Variants in ZNF845 observed in about 807,000 individuals in gnomAD.
The protein encoded by ZNF845 is zinc finger protein 845.
Under a neutral mutation model 76.1 loss-of-function variants are expected in ZNF845, and 59 were observed. The observed-to-expected ratio is 0.78, with a 90% confidence interval of 0.63 to 0.96. The LOEUF is 0.96. Among genes scored for constraint, ZNF845 ranks in the 40% least tolerant of loss-of-function variants. The probability of loss-of-function intolerance (pLI) is 0.00; values close to 1 mark genes in which losing one functional copy is unlikely to be tolerated. For missense variants in ZNF845, 1,045 were observed against 1,172.8 expected (o/e 0.89, Z 1.59); for synonymous variants, 361 against 386.9 (o/e 0.93, Z 0.78).
At chr19:53,349,566 C>A (rs1466006667) in intron 3 of ZNF845, among the ~76,000 whole-genome samples, 1 of 152,116 alleles carries the variant, frequency 6.6e-6, no homozygotes, top group African/African-American at 2.4e-5. Context: ...CTGTGCCCGG[C>A]TGTGGCTTTT....
Position 53,351,150 on chromosome 19 carries a change from A to T in ZNF845, c.475A>T (p.Lys159Ter). The stretch of plus-strand genomic sequence containing the variant: ...ACTCCACATGTTTCAGACCGAAGGG[A>T]AAATTGGTAATCAAGTTGAGAAGTC... ...PELHMFQTEG[K>*]IGNQVEKSIN... Residue 159 changes from lysine (K) to a stop codon, truncating the protein, a stop_gained, in exon 4 of 4, where the codon AAA (lysine) becomes TAA (stop). Transcript: ENST00000458035. LOFTEE classifies it high-confidence loss of function. 2 of 1,614,194 alleles carry T rather than the reference A, an allele frequency of 1.2e-6. No homozygotes were observed. Among genetic ancestry groups the T allele is most frequent in the Non-Finnish European group, 1.7e-6 (2 of 1,180,028 alleles).
chr19:53,352,493 G>A lies in ZNF845; in HGVS notation c.1818G>A (p.Ser606=), dbSNP rs776661745. The A allele has an allele frequency of 3.5e-5, 56 of 1,610,970 alleles. 1 individual carries two copies. The highest frequency in any genetic ancestry group is 2.8e-4 in the African/African-American group (21 of 74,792). Residue 606 remains serine, a synonymous_variant, in exon 4 of 4, where the codon TCG becomes TCA. Transcript: ENST00000458035. ...GGAGAATCCATAATGAAGAGAGATCGTACAAGTGTAATAGATGTGGCAAAT... is the reference window on the plus strand; with the variant it reads ...GGAGAATCCATAATGAAGAGAGATCATACAAGTGTAATAGATGTGGCAAAT... ...NHWRIHNEER[S]YKCNRCGKFF...
At chr19:53,339,497 C>T (rs2147032088) in intron 1 of ZNF845, among the ~76,000 whole-genome samples, 2 of 152,328 alleles carry the variant, frequency 1.3e-5, no homozygotes, top group South Asian at 4.1e-4. Context: ...GTCCGCTGTT[C>T]TGTTCTGACA....
At chr19:53,335,108 G>C (rs1029829315) in intron 1 of ZNF845, among the ~76,000 whole-genome samples, 2 of 152,122 alleles carry the variant, frequency 1.3e-5, no homozygotes, top group African/African-American at 4.8e-5. Flanking sequence ...TTAGAGGTCA[G>C]CTTCCACTTG....
At position 53,351,247 on chromosome 19, in the gene ZNF845, A is replaced by G. The variant is rs774009128; in HGVS notation, c.572A>G (p.Asn191Ser). ...SCRPKTHISK[N>S]YGNNFLNSSL... ...AGGCCTAAAACCCACATTTCTAAGA[A>G]CTATGGGAATAATTTCCTGAATTCT... Residue 191 changes from asparagine to serine, a missense_variant, in exon 4 of 4, where the codon AAC becomes AGC. Asn to Ser is a conservative substitution (Grantham distance 46). Coordinates refer to ENST00000458035, the MANE Select transcript of ZNF845 (RefSeq NM_138374.3). 7.4e-6 allele frequency: 12 copies of G among 1,614,244 alleles called. No individual in the cohort carries two copies. In the East Asian group the frequency reaches 2.7e-4, roughly 36 times the overall value.
At chr19:53,350,744 G>A (rs1191956654) in intron 3 of ZNF845, 74 bp from the exon 4 acceptor site, 4 of 1,517,528 alleles carry the variant, frequency 2.6e-6, no homozygotes, top group Admixed American at 2.2e-5. Flanking sequence ...TGTTTTTAGT[G>A]TCACATTTAC....
rs1568734952 is a variant in ZNF845, at chr19:53,341,322, G to A, written c.15G>A (p.Gln5=). MALS[Q]GLLTFRDVAI... is the part of the protein sequence containing the mutation. ...AGGAGTCAGGGATGGCTCTTTCTCA[G>A]GTGAGATGATATGTTGGGTGGATTG... The change falls in exon 2 of 4, where the codon CAG becomes CAA. Residue 5 remains glutamine (Q), a splice_region_variant and synonymous_variant. Transcript: ENST00000458035. 2 of 1,613,990 alleles carry A rather than the reference G, an allele frequency of 1.2e-6. No homozygotes were observed. Among genetic ancestry groups the A allele is most frequent in the South Asian group, 1.1e-5 (1 of 91,070 alleles).
intron 3 of ZNF845, among the ~76,000 whole-genome samples, chr19:53,348,628 C>T (rs2085312672): frequency 6.6e-6 from 1 of 152,152 alleles, no homozygotes; most frequent in Non-Finnish European, 1.5e-5. Context: ...AGGGAGCCTG[C>T]ATCATCTTGT....
chr19:53,350,414 A>G (rs2147044801), intron 3 of ZNF845, among the ~76,000 whole-genome samples: 1 of 152,310 alleles, frequency 6.6e-6, no homozygotes, highest in South Asian at 2.1e-4. Context: ...CCAATATAGT[A>G]TATTGTGTGG....
Position 53,356,663 on chromosome 19 carries a change from C to G in ZNF845, c.*3075C>G, listed in dbSNP as rs1021174115. ...TTGTAAATGAGGCCGGGCGTGGTGGCTCACGCCTGTAATCCCAGCACTTTG... is the reference window on the plus strand; with the variant it reads ...TTGTAAATGAGGCCGGGCGTGGTGGGTCACGCCTGTAATCCCAGCACTTTG... On this transcript the variant is annotated 3_prime_UTR_variant, in exon 4 of 4. Coordinates refer to ENST00000458035, the MANE Select transcript of ZNF845 (RefSeq NM_138374.3). The G allele has an allele frequency of 1.3e-5, 2 of 152,240 alleles. No individual in the cohort carries two copies. Among genetic ancestry groups the G allele is most frequent in the Non-Finnish European group, 2.9e-5 (2 of 68,076 alleles). The allele number at this position is 152,240 out of a possible 1,614,324, so 9.4% of individuals were successfully genotyped here.
intron 3 of ZNF845, among the ~76,000 whole-genome samples, chr19:53,345,855 GTT>G (rs374069306): frequency 5.2e-5 from 7 of 135,444 alleles, no homozygotes; most frequent in Admixed American, 7.4e-5. Flanking sequence ...TACTTTTTTA[GTT>G]TTTTTTTTTT....
At chr19:53,348,650 T>G (rs533247347) in intron 3 of ZNF845, among the ~76,000 whole-genome samples, 5 of 152,278 alleles carry the variant, frequency 3.3e-5, no homozygotes, top group African/African-American at 1.2e-4. Flanking sequence ...AATGTTTTTA[T>G]TGTGCAATTT....
Position 53,351,385 on chromosome 19 carries a change from A to G in ZNF845, c.710A>G (p.His237Arg). 6.2e-7 allele frequency: 1 copy of G among 1,614,204 alleles called. No homozygotes were observed. Among genetic ancestry groups the G allele is most frequent in the East Asian group, 2.2e-5 (1 of 44,874 alleles). ...GTCTTAAGGAAACATCAGATAATCC[A>G]TTTAGGAGCGAAACAATATAAATGT... The part of the protein sequence containing the change: ...SSVLRKHQII[H>R]LGAKQYKCDV... The change falls in exon 4 of 4, where the codon CAT (histidine) becomes CGT (arginine). Residue 237 changes from histidine (H) to arginine (R), a missense_variant. Coordinates refer to ENST00000458035, the MANE Select transcript of ZNF845 (RefSeq NM_138374.3).
intron 2 of ZNF845, among the ~76,000 whole-genome samples, chr19:53,342,545 G>A (rs1297357723): frequency 1.3e-5 from 2 of 152,066 alleles, no homozygotes; most frequent in East Asian, 1.9e-4. Flanking sequence ...TCCCTGTCAC[G>A]TCCTCCACCC....
In ZNF845 at chr19:53,343,070, T is replaced by C. The variant is rs191108584; in HGVS notation, c.15+1748T>C. Among the ~76,000 whole-genome samples, 14 of 152,204 alleles carry C rather than the reference T, an allele frequency of 9.2e-5. No individual in the cohort carries two copies. The East Asian group carries it at 2.7e-3, about 29-fold the overall frequency. ...CTGACCTCAGGTTATCCACCCACCT[T>C]GGCCTCCCAAAGTGCTGGGATTGCA... On this transcript the variant is annotated intron_variant, in intron 2 of 3. Coordinates refer to ENST00000458035, the MANE Select transcript of ZNF845 (RefSeq NM_138374.3).
At chr19:53,335,311 G>A (rs754891548) in intron 1 of ZNF845, among the ~76,000 whole-genome samples, 5 of 151,970 alleles carry the variant, frequency 3.3e-5, no homozygotes, top group Non-Finnish European at 7.4e-5. Context: ...CCCAGGCTGG[G>A]GTGCAGTGGT....
At position 53,351,862 on chromosome 19, in the gene ZNF845, C is replaced by T; in HGVS notation, c.1187C>T (p.Ser396Leu). The change falls in exon 4 of 4, where the codon TCA (serine) becomes TTA (leucine). Residue 396 changes from serine (S) to leucine (L), a missense_variant. Physicochemically the swap from Ser to Leu is moderately radical, Grantham distance 145. Coordinates refer to ENST00000458035, the MANE Select transcript of ZNF845 (RefSeq NM_138374.3). ...NECSRTFSRKSSLTRHRRLHT... is the reference protein window; with the variant it reads ...NECSRTFSRKLSLTRHRRLHT... ...TGCAGCAGGACCTTTAGTCGGAAGT[C>T]ATCCCTTACACGCCATCGTAGACTT... 2 of 1,613,488 alleles carry T rather than the reference C, an allele frequency of 1.2e-6. No individual in the cohort carries two copies. The highest frequency in any genetic ancestry group is 1.7e-6 in the Non-Finnish European group (2 of 1,179,900).
Position 53,352,963 on chromosome 19 carries a change from A to G in ZNF845, c.2288A>G (p.Glu763Gly). Reference sequence around the variant, plus strand: ...GTTTTCAGTCGCAAATCAAGCCTTGAAAAACACAGGAGAATTCATACTGGA... The same window carrying G: ...GTTTTCAGTCGCAAATCAAGCCTTGGAAAACACAGGAGAATTCATACTGGA... ...DKVFSRKSSL[E>G]KHRRIHTGEK... The change falls in exon 4 of 4, where the codon GAA becomes GGA. Residue 763 changes from glutamate (E) to glycine (G), a missense_variant. Glu to Gly is a moderately conservative substitution (Grantham distance 98, BLOSUM62 -2). Coordinates refer to ENST00000458035, the MANE Select transcript of ZNF845 (RefSeq NM_138374.3). The G allele has an allele frequency of 6.2e-7, 1 of 1,614,034 alleles. No individual in the cohort carries two copies. The highest frequency in any genetic ancestry group is 8.5e-7 in the Non-Finnish European group (1 of 1,179,962).
At position 53,344,604 on chromosome 19, in the gene ZNF845, A is replaced by ATTTATTTAT. The variant is rs1555822546; in HGVS notation, c.16-895_16-894insATTTTATTT. ...CCTACATTGATTTTTATTTTATTTT[A>ATTTATTTAT]TTTATTTTATTTTATTTTATTTTAT... On this transcript the variant is annotated intron_variant, in intron 2 of 3. Transcript: ENST00000458035. Among the ~76,000 whole-genome samples the ATTTATTTAT allele has an allele frequency of 9.7e-3, 1,230 of 126,930 alleles. 25 individuals are homozygous for ATTTATTTAT. The highest frequency in any genetic ancestry group is 0.034 in the African/African-American group (1,151 of 33,784). The allele number at this position is 126,930 out of a possible 152,430, so 83.3% of individuals were successfully genotyped here.
Sources: gnomAD v4.1 joint callset for allele counts (sites outside exome capture counted in the v4.1 genomes callset) on GRCh38, gnomAD v4.1.1 for gene constraint, MANE v1.5 for transcripts, NCBI Gene and HGNC (gene_info 2026-07-23, HGNC 2026-07-21) for gene names.